The following OR2L13 variants were observed in gnomAD, a reference collection of about 807,000 sequenced individuals.
OR2L13 encodes the protein olfactory receptor family 2 subfamily L member 13, also known as olfactory receptor 2L13.
Under a neutral mutation model 15.3 loss-of-function variants are expected in OR2L13, and 14 were observed. That is an observed-to-expected ratio of 0.91 (90% CI 0.60 to 1.43). The LOEUF is 1.43. Among genes scored for constraint, OR2L13 ranks in the 40% most tolerant of loss-of-function variants. OR2L13 has a pLI of 0.00. For missense variants in OR2L13, 367 were observed against 387.9 expected, an observed-to-expected ratio of 0.95 and a Z score of 0.45; for synonymous variants, 152 against 142.9, an observed-to-expected ratio of 1.06 and a Z score of -0.45.
chr1:248,073,336 T>A, the OR2L13 span, among the ~76,000 whole-genome samples: 29 of 152,148 alleles, frequency 1.9e-4, no homozygotes, highest in African/African-American at 6.8e-4. Context: ...GGGACATGGA[T>A]GAAATTGGAA....
the OR2L13 span, chr1:247,965,746 G>A: frequency 6.4e-7 from 1 of 1,569,412 alleles, no homozygotes; most frequent in Non-Finnish European, 8.6e-7. Context: ...TGATCGCTAT[G>A]TAGCTATCTG....
chr1:248,039,702 C>T, the OR2L13 span: 1 of 152,148 alleles, frequency 6.6e-6, no homozygotes, highest in Non-Finnish European at 1.5e-5. Flanking sequence ...TATCATTCAG[C>T]ATAATAATTA....
At chr1:248,091,739 G>A (rs1248905052), upstream of OR2L13, among the ~76,000 whole-genome samples, 2 of 151,264 alleles carry the variant, frequency 1.3e-5, no homozygotes, top group Non-Finnish European at 3.0e-5. Context: ...TTGTTCTTTT[G>A]GCTTAGGATT....
At chr1:247,965,749 GCTAT>G in the OR2L13 span, 2 of 1,571,064 alleles carry the variant, frequency 1.3e-6, no homozygotes, top group East Asian at 4.5e-5. Context: ...TCGCTATGTA[GCTAT>G]CTGTCACCCT....
the OR2L13 span, among the ~76,000 whole-genome samples, chr1:247,985,732 T>G: frequency 1.3e-5 from 2 of 151,092 alleles, no homozygotes; most frequent in Admixed American, 1.3e-4. Context: ...ACCAACAGTG[T>G]AAAAATGTTT....
the OR2L13 span, among the ~76,000 whole-genome samples, chr1:248,054,448 T>A: frequency 6.6e-6 from 1 of 152,186 alleles, no homozygotes; most frequent in East Asian, 1.9e-4. Context: ...CATATGATTT[T>A]AAAATAGTTC....
chr1:247,937,640 C>T, the OR2L13 span: 5 of 155,886 alleles, frequency 3.2e-5, no homozygotes, highest in African/African-American at 7.2e-5. Flanking sequence ...TCAGGGGACT[C>T]CTCCCCTCCC....
chr1:248,098,639 G>T lies in OR2L13; in HGVS notation c.-143-12G>T, dbSNP rs1664784338. On this transcript the variant is annotated splice_polypyrimidine_tract_variant and intron_variant, in intron 1 of 2. Transcript: ENST00000641714. ...GAATAATTGCAACAAACTATGATTT[G>T]CTTTTGAACAGCAAAAGTTGAAAAA... The T allele has an allele frequency of 1.3e-5, 2 of 152,154 alleles. No individual in the cohort carries two copies. The highest frequency in any genetic ancestry group is 6.5e-5 in the Admixed American group (1 of 15,268). The allele number at this position is 152,154 out of a possible 1,614,324, so 9.4% of individuals were successfully genotyped here. A position where few individuals can be genotyped will look rare whatever the true frequency, so the allele number is the denominator to read the frequency against.
chr1:248,099,265 C>A, intron 2 of OR2L13, 93 bp from the exon 3 acceptor site: 2 of 745,896 alleles, frequency 2.7e-6, no homozygotes, highest in Non-Finnish European at 4.5e-6. Flanking sequence ...TCATTCTAAA[C>A]AAACATTGAT....
the OR2L13 span, among the ~76,000 whole-genome samples, chr1:248,079,502 CA>C: frequency 2.0e-5 from 3 of 151,738 alleles, no homozygotes; most frequent in Admixed American, 6.6e-5. Flanking sequence ...AACTTGAAAA[CA>C]AAAAGAAAGA....
chr1:248,036,717 C>T, the OR2L13 span, among the ~76,000 whole-genome samples: 5 of 152,152 alleles, frequency 3.3e-5, no homozygotes, highest in Admixed American at 1.3e-4. Context: ...GAAGAATACT[C>T]GAACCACCTC....
the OR2L13 span, among the ~76,000 whole-genome samples, chr1:248,076,672 T>C: frequency 6.6e-6 from 1 of 152,224 alleles, no homozygotes; most frequent in African/African-American, 2.4e-5. Context: ...GGAATCCTTG[T>C]GATTTTTGCA....
At chr1:248,076,390 T>C in the OR2L13 span, among the ~76,000 whole-genome samples, 1 of 152,306 alleles carries the variant, frequency 6.6e-6, no homozygotes, top group East Asian at 1.9e-4. Flanking sequence ...AAGGAAGTCA[T>C]TGGTAGCTTG....
At chr1:248,094,360 T>C (rs1664670221), upstream of OR2L13, among the ~76,000 whole-genome samples, 1 of 152,216 alleles carries the variant, frequency 6.6e-6, no homozygotes, top group Non-Finnish European at 1.5e-5. Flanking sequence ...CTTTTCTAGT[T>C]AACCAATGTA....
At chr1:247,966,123 C>G in the OR2L13 span, 1 of 1,614,148 alleles carries the variant, frequency 6.2e-7, no homozygotes, top group Non-Finnish European at 8.5e-7. Context: ...TTGTGGCAAG[C>G]CTGTTCTATG....
the OR2L13 span, among the ~76,000 whole-genome samples, chr1:247,937,927 CAA>C: frequency 3.3e-5 from 5 of 151,948 alleles, no homozygotes; most frequent in East Asian, 9.7e-4. Context: ...AAATTAAAAA[CAA>C]TAGTAATAAA....
the OR2L13 span, among the ~76,000 whole-genome samples, chr1:248,021,271 CT>C: frequency 6.6e-6 from 1 of 152,074 alleles, no homozygotes; most frequent in Non-Finnish European, 1.5e-5. Context: ...ATATTAATCT[CT>C]GGATAGAGAA....
At chr1:247,958,362 C>G in the OR2L13 span, among the ~76,000 whole-genome samples, 6 of 152,050 alleles carry the variant, frequency 3.9e-5, no homozygotes, top group African/African-American at 7.3e-5. Context: ...TTACTTCCAA[C>G]TATGTGGTCA....
chr1:247,942,925 T>C, the OR2L13 span, among the ~76,000 whole-genome samples: 1 of 152,310 alleles, frequency 6.6e-6, no homozygotes, highest in African/African-American at 2.4e-5. Context: ...ACTTCCTCTC[T>C]CTATGAATTT....
Sources: allele counts gnomAD v4.1 joint callset (sites outside exome capture counted in the v4.1 genomes callset), GRCh38; gene constraint gnomAD v4.1.1; transcripts MANE v1.5; gene names NCBI Gene and HGNC (gene_info 2026-07-23, HGNC 2026-07-21).